The following NBAS variants were observed in gnomAD, a reference collection of about 807,000 sequenced individuals.
NBAS encodes the protein NBAS subunit of NRZ tethering complex, also known as NAG/BC035112 fusion.
A neutral mutation model predicts 302.5 loss-of-function variants in NBAS; 219 were observed. That is an observed-to-expected ratio of 0.72 (90% CI 0.65 to 0.81). The LOEUF (loss-of-function observed/expected upper bound fraction) is 0.81, where lower values mean the gene tolerates loss of function less well. NBAS is among the 30% of genes least tolerant of loss of function. The pLI, the probability that NBAS is intolerant of heterozygous loss-of-function variation, is 0.00. For missense variants in NBAS, 2,932 were observed against 2,841.6 expected, an observed-to-expected ratio of 1.03 and a Z score of -0.72; for synonymous variants, 1,118 against 1,021.6, an observed-to-expected ratio of 1.09 and a Z score of -1.80.
At chr2:15,034,029 G>GAAGAAGAA in the NBAS span, among the ~76,000 whole-genome samples, 41 of 11,522 alleles carry the variant, frequency 3.6e-3, no homozygotes, top group Middle Eastern at 0.042. Context: ...AAGAAGAAGA[G>GAAGAAGAA]GAGGAGGAAG....
the NBAS span, among the ~76,000 whole-genome samples, chr2:15,031,413 C>T: frequency 7.2e-5 from 11 of 152,180 alleles, no homozygotes; most frequent in African/African-American, 2.4e-4. Flanking sequence ...GTGGCAGTTA[C>T]ACAGAGCTCT....
intron 12 of NBAS, among the ~76,000 whole-genome samples, chr2:15,479,290 A>T (rs532731101): frequency 4.3e-4 from 66 of 152,364 alleles, no homozygotes; most frequent in Non-Finnish European, 4.8e-4. Context: ...CTTAATCATA[A>T]GAAACGATGA....
chr2:15,144,948 G>T, the NBAS span, among the ~76,000 whole-genome samples: 1 of 151,286 alleles, frequency 6.6e-6, no homozygotes, highest in Non-Finnish European at 1.5e-5. Flanking sequence ...CTGCAAAGTG[G>T]CTGGCTTAGA....
the NBAS span, among the ~76,000 whole-genome samples, chr2:15,144,061 A>ATATTATCC: frequency 7.3e-6 from 1 of 137,366 alleles, no homozygotes; most frequent in African/African-American, 2.9e-5. Context: ...ATATATATAT[A>ATATTATCC]TATATATCTC....
chr2:15,002,490 G>A, the NBAS span, among the ~76,000 whole-genome samples: 9 of 152,288 alleles, frequency 5.9e-5, no homozygotes, highest in South Asian at 8.3e-4. Flanking sequence ...ATCCCGCACC[G>A]GGACTGCAGG....
the NBAS span, among the ~76,000 whole-genome samples, chr2:14,884,431 C>A: frequency 2.0e-5 from 3 of 152,050 alleles, no homozygotes; most frequent in African/African-American, 7.2e-5. Flanking sequence ...TTCCTGGAAC[C>A]TGGCCAAATC....
intron 23 of NBAS, among the ~76,000 whole-genome samples, chr2:15,421,903 C>T (rs1217605288): frequency 1.3e-5 from 2 of 152,130 alleles, no homozygotes; most frequent in African/African-American, 4.8e-5. Context: ...CTGCCCCACC[C>T]TCCAACCACA....
At chr2:14,918,454 C>G in the NBAS span, among the ~76,000 whole-genome samples, 1 of 152,124 alleles carries the variant, frequency 6.6e-6, no homozygotes, top group Admixed American at 6.5e-5. Flanking sequence ...TTGAGCTAAG[C>G]CTTTCAAGGA....
the NBAS span, among the ~76,000 whole-genome samples, chr2:14,894,887 T>C: frequency 6.6e-6 from 1 of 152,066 alleles, no homozygotes; most frequent in African/African-American, 2.4e-5. Flanking sequence ...TGAAACTCCG[T>C]CTCTACCAAA....
At chr2:15,417,282 G>A (rs1420523587) in intron 24 of NBAS, among the ~76,000 whole-genome samples, 1 of 151,668 alleles carries the variant, frequency 6.6e-6, no homozygotes, top group Non-Finnish European at 1.5e-5. Flanking sequence ...CACCTAACTA[G>A]AACGGAAAAA....
At chr2:15,120,709 G>A in the NBAS span, among the ~76,000 whole-genome samples, 1 of 152,184 alleles carries the variant, frequency 6.6e-6, no homozygotes, top group Admixed American at 6.5e-5. Context: ...GAGTGTATAA[G>A]TCCCAGGAAG....
chr2:15,157,424 G>C, the NBAS span, among the ~76,000 whole-genome samples: 723 of 152,302 alleles, frequency 4.7e-3, 9 homozygotes, highest in African/African-American at 0.017. Context: ...TACAGATCAA[G>C]TCATGGCACC....
the NBAS span, among the ~76,000 whole-genome samples, chr2:15,098,439 G>GTATATGTTA: frequency 5.2e-5 from 2 of 38,710 alleles, no homozygotes; most frequent in African/African-American, 1.0e-4. Context: ...ATTATATATT[G>GTATATGTTA]TATATTGTAT....
chr2:14,832,556 C>T, the NBAS span, among the ~76,000 whole-genome samples: 1 of 152,132 alleles, frequency 6.6e-6, no homozygotes, highest in Non-Finnish European at 1.5e-5. Context: ...CATCGCTCCA[C>T]CATTTATGGA....
chr2:15,001,586 T>C, the NBAS span, among the ~76,000 whole-genome samples: 1 of 152,192 alleles, frequency 6.6e-6, no homozygotes, highest in African/African-American at 2.4e-5. Context: ...CAAATTATAA[T>C]TTGACATATC....
intron 35 of NBAS, among the ~76,000 whole-genome samples, chr2:15,339,892 C>T: frequency 6.6e-6 from 1 of 150,868 alleles, no homozygotes; most frequent in East Asian, 1.9e-4. Flanking sequence ...GAGGCAACAG[C>T]TTGCTGGGAA....
intron 42 of NBAS, among the ~76,000 whole-genome samples, chr2:15,280,470 C>G (rs1669775279): frequency 6.6e-6 from 1 of 152,076 alleles, no homozygotes; most frequent in Non-Finnish European, 1.5e-5. Flanking sequence ...TGCCAGCACT[C>G]TTGTTGCTAT....
chr2:14,958,624 T>C, the NBAS span, among the ~76,000 whole-genome samples: 1 of 152,238 alleles, frequency 6.6e-6, no homozygotes, highest in Admixed American at 6.5e-5. Flanking sequence ...CTGTTATAAA[T>C]CTTCCACCTT....
chr2:15,305,769 T>G (rs1036412427), intron 40 of NBAS, among the ~76,000 whole-genome samples: 1 of 152,230 alleles, frequency 6.6e-6, no homozygotes, highest in East Asian at 1.9e-4. Context: ...TATGGCAGTA[T>G]GAAAATGGAC....
Sources: gnomAD v4.1 joint callset for allele counts (sites outside exome capture counted in the v4.1 genomes callset) on GRCh38, gnomAD v4.1.1 for gene constraint, MANE v1.5 for transcripts, NCBI Gene and HGNC (gene_info 2026-07-23, HGNC 2026-07-21) for gene names.